Variants in EPHA5 observed in about 807,000 individuals in gnomAD.
EPHA5 encodes ephrin type-A receptor 5.
A neutral mutation model predicts 105.0 loss-of-function variants in EPHA5; 60 were observed. That is an observed-to-expected ratio of 0.57 (90% CI 0.46 to 0.71). EPHA5 has a LOEUF of 0.71. Among genes scored for constraint, EPHA5 ranks in the 30% least tolerant of loss-of-function variants. The pLI is 0.00. For synonymous variants in EPHA5, 513 were observed against 449.1 expected, an observed-to-expected ratio of 1.14 and a Z score of -1.80; for missense variants, 1,218 against 1,274.7, an observed-to-expected ratio of 0.96 and a Z score of 0.68.
intron 5 of EPHA5, among the ~76,000 whole-genome samples, chr4:65,485,881 G>A (rs1218552148): frequency 6.6e-6 from 1 of 152,030 alleles, no homozygotes; most frequent in Admixed American, 6.6e-5. Flanking sequence ...TTTCTTCCCT[G>A]TCCCCTACAT....
chr4:65,496,551 A>T (rs1197737817), intron 3 of EPHA5, among the ~76,000 whole-genome samples: 1 of 151,566 alleles, frequency 6.6e-6, no homozygotes. Context: ...CCTACAAAGG[A>T]CATGAACTCA....
chr4:65,556,411 A>G (rs1291113482), intron 3 of EPHA5, among the ~76,000 whole-genome samples: 3 of 152,176 alleles, frequency 2.0e-5, no homozygotes, highest in Non-Finnish European at 4.4e-5. Flanking sequence ...ACATGACTGT[A>G]TATAATTTTT....
At chr4:65,655,306 T>TA (rs1405076303) in intron 1 of EPHA5, among the ~76,000 whole-genome samples, 2 of 151,814 alleles carry the variant, frequency 1.3e-5, no homozygotes, top group African/African-American at 4.8e-5. Flanking sequence ...TACTTTTTTT[T>TA]AAACTATAAA....
intron 2 of EPHA5, among the ~76,000 whole-genome samples, chr4:65,602,666 ATATTT>A (rs1156597223): frequency 6.6e-6 from 1 of 152,164 alleles, no homozygotes. Flanking sequence ...AAAAATATGT[ATATTT>A]TGAATAAAGT....
At position 65,343,079 on chromosome 4, in the gene EPHA5, T is replaced by A. The variant is rs556008025; in HGVS notation, c.2595+4975A>T. Among the ~76,000 whole-genome samples the A allele has an allele frequency of 2.0e-5, 3 of 152,276 alleles. No individual in the cohort carries two copies. In the South Asian group the frequency reaches 6.2e-4, roughly 32 times the overall value. On this transcript the variant is annotated intron_variant, in intron 14 of 16. Transcript: ENST00000613740. ...TGTGCAATCTATGTACTTAGTAGAA[T>A]CTATACAGTCATATACTCTGCAATA...
chr4:65,547,118 A>C (rs1288755342), intron 3 of EPHA5, among the ~76,000 whole-genome samples: 1 of 152,050 alleles, frequency 6.6e-6, no homozygotes, highest in Non-Finnish European at 1.5e-5. Context: ...CAGAGAAAGA[A>C]GGAAAGAAAG....
At chr4:65,444,566 G>C (rs1048703644) in intron 5 of EPHA5, among the ~76,000 whole-genome samples, 5 of 152,092 alleles carry the variant, frequency 3.3e-5, no homozygotes, top group Admixed American at 6.6e-5. Flanking sequence ...TGAAGTGATT[G>C]GCTCAGTCCT....
At chr4:65,604,826 T>C (rs1359904084) in intron 2 of EPHA5, among the ~76,000 whole-genome samples, 1 of 152,006 alleles carries the variant, frequency 6.6e-6, no homozygotes, top group African/African-American at 2.4e-5. Flanking sequence ...AAATGTCATG[T>C]ACAGGATATT....
At chr4:65,379,900 T>C (rs1252939959) in intron 8 of EPHA5, among the ~76,000 whole-genome samples, 1 of 151,770 alleles carries the variant, frequency 6.6e-6, no homozygotes, top group African/African-American at 2.4e-5. Flanking sequence ...CTAAGACAAG[T>C]TACTTTTCTA....
intron 3 of EPHA5, among the ~76,000 whole-genome samples, chr4:65,591,554 T>C (rs1013971402): frequency 1.3e-5 from 2 of 152,036 alleles, no homozygotes; most frequent in African/African-American, 2.4e-5. Flanking sequence ...ATTTATTTCA[T>C]ACTCCTTTCT....
Position 65,459,370 on chromosome 4 carries a change from A to G in EPHA5, c.1402+31007T>C, listed in dbSNP as rs185639528. Among the ~76,000 whole-genome samples, 543 of 152,094 alleles carry G rather than the reference A, an allele frequency of 3.6e-3. 2 individuals carry two copies. The highest frequency in any genetic ancestry group is 0.012 in the African/African-American group (496 of 41,580). On this transcript the variant is annotated intron_variant, in intron 5 of 16. Transcript: ENST00000613740. ...CAGCTTTATGGGAAACTACTTTTCCATTATTTATCACAATCTATTTCAGTT... is the reference window on the plus strand; with the variant it reads ...CAGCTTTATGGGAAACTACTTTTCCGTTATTTATCACAATCTATTTCAGTT...
chr4:65,335,814 AG>A, intron 15 of EPHA5, 117 bp downstream of exon 15: 1 of 979,598 alleles, frequency 1.0e-6, no homozygotes. Flanking sequence ...CAAATAAATT[AG>A]TGTCATATAG....
At chr4:65,489,315 C>G (rs1731187628) in intron 5 of EPHA5, among the ~76,000 whole-genome samples, 1 of 152,170 alleles carries the variant, frequency 6.6e-6, no homozygotes, top group South Asian at 2.1e-4. Context: ...CACATCAAGG[C>G]TAGCATCCCG....
At chr4:65,540,418 A>G (rs1232604499) in intron 3 of EPHA5, among the ~76,000 whole-genome samples, 1 of 151,204 alleles carries the variant, frequency 6.6e-6, no homozygotes, top group Non-Finnish European at 1.5e-5. Context: ...CTGAACTATT[A>G]TTCTCCCTTA....
At chr4:65,435,534 T>C (rs1212417949) in intron 5 of EPHA5, among the ~76,000 whole-genome samples, 2 of 152,068 alleles carry the variant, frequency 1.3e-5, no homozygotes, top group Non-Finnish European at 2.9e-5. Context: ...TAGACTGACA[T>C]ATTCTTGAAA....
intron 8 of EPHA5, among the ~76,000 whole-genome samples, chr4:65,402,712 A>T (rs1445327422): frequency 6.6e-6 from 1 of 152,196 alleles, no homozygotes; most frequent in Non-Finnish European, 1.5e-5. Context: ...ACTAACTCTT[A>T]TCTCAGTCAG....
In EPHA5 at chr4:65,325,891, A is replaced by G. The variant is rs187530189; in HGVS notation, c.2946-1672T>C. ...TCGGCTGCATCCTTGGCCTCTGCCC[A>G]CTATATACCAGAAGCACTGCAGCAC... On this transcript the variant is annotated intron_variant, in intron 16 of 16. Transcript: ENST00000613740. Among the ~76,000 whole-genome samples the G allele has an allele frequency of 2.0e-3, 308 of 151,076 alleles. 1 individual carries two copies. Among genetic ancestry groups the G allele is most frequent in the Middle Eastern group, 0.014 (4 of 292 alleles).
chr4:65,536,680 CA>C (rs1736318910), intron 3 of EPHA5, among the ~76,000 whole-genome samples: 1 of 150,606 alleles, frequency 6.6e-6, no homozygotes, highest in African/African-American at 2.4e-5. Flanking sequence ...TGCAATAATT[CA>C]GCAATTTAAT....
chr4:65,584,492 T>C (rs928177462), intron 3 of EPHA5, among the ~76,000 whole-genome samples: 2 of 151,836 alleles, frequency 1.3e-5, no homozygotes, highest in African/African-American at 4.8e-5. Flanking sequence ...CCAAAAATAC[T>C]CAAATGTGAC....
Sources: allele counts gnomAD v4.1 joint callset (sites outside exome capture counted in the v4.1 genomes callset), GRCh38; gene constraint gnomAD v4.1.1; transcripts MANE v1.5; gene names NCBI Gene and HGNC (gene_info 2026-07-23, HGNC 2026-07-21).